Variants in SNX1 observed in about 807,000 individuals in gnomAD.
SNX1 encodes sorting nexin 1.
SNX1 carries 36 observed loss-of-function variants against 71.8 expected under a neutral mutation model. The ratio of observed to expected loss-of-function variants is 0.50; its 90% CI spans 0.38 to 0.66. SNX1 has a LOEUF of 0.66. Ranked by LOEUF, SNX1 falls within the 30% of genes least tolerant of loss-of-function variation. The probability of loss-of-function intolerance (pLI) is 0.00; values close to 1 mark genes in which losing one functional copy is unlikely to be tolerated. For missense variants in SNX1, 612 were observed against 646.7 expected (o/e 0.95, Z 0.58); for synonymous variants, 254 against 240.7 (o/e 1.06, Z -0.51).
chr15:64,112,450 A>G, intron 1 of SNX1, 123 bp from the exon 2 acceptor site: 1 of 608,908 alleles, frequency 1.6e-6, no homozygotes, highest in South Asian at 2.2e-5. Flanking sequence ...ACTAATAACG[A>G]TTTGCTGCTT....
chr15:64,137,532 T>G, intron 14 of SNX1, 36 bp from the exon 15 acceptor site: 1 of 1,613,444 alleles, frequency 6.2e-7, no homozygotes, highest in Non-Finnish European at 8.5e-7. Context: ...TGCCACTAGG[T>G]GGGGGCACTT....
At chr15:64,123,574 C>T (rs1463059072) in intron 5 of SNX1, 28 bp downstream of exon 5, 1 of 1,596,670 alleles carries the variant, frequency 6.3e-7, no homozygotes, top group South Asian at 1.1e-5. Flanking sequence ...TGCTGATGAC[C>T]ATCTTCATAG....
intron 5 of SNX1, 80 bp downstream of exon 5, chr15:64,123,626 G>A (rs1050822233): frequency 8.5e-7 from 1 of 1,176,796 alleles, no homozygotes; most frequent in Non-Finnish European, 1.3e-6. Flanking sequence ...GATTATTTCT[G>A]GGTATCTCCT....
At chr15:64,117,174 C>T (rs1400004099) in intron 2 of SNX1, among the ~76,000 whole-genome samples, 1 of 152,096 alleles carries the variant, frequency 6.6e-6, no homozygotes, top group African/African-American at 2.4e-5. Flanking sequence ...CTTGCTTTGA[C>T]GTCATTTTTT....
rs1167577685 is a variant in SNX1, at chr15:64,136,891, G to A, written c.1477G>A (p.Val493Met). Residue 493 changes from valine to methionine, a missense_variant, in exon 14 of 15, where the codon GTG becomes ATG. This residue lies in a region of SNX1 where 296 missense variants were observed against 361.9 expected (regional missense o/e 0.82). Coordinates refer to ENST00000559844, the MANE Select transcript of SNX1 (RefSeq NM_003099.5). ...GAAATCCAAGGACTTCAAGAACCAC[G>A]TGATCAAGTACCTTGAGACACTCCT... ...KEKSKDFKNH[V>M]IKYLETLLYS... is the part of the protein sequence containing the mutation. 5.6e-6 allele frequency: 9 copies of A among 1,613,858 alleles called. No individual in the cohort carries two copies. The highest frequency in any genetic ancestry group is 1.3e-5 in the African/African-American group (1 of 74,902).
At chr15:64,128,963 C>T (rs889841713) in intron 8 of SNX1, among the ~76,000 whole-genome samples, 2 of 152,158 alleles carry the variant, frequency 1.3e-5, no homozygotes, top group African/African-American at 4.8e-5. Flanking sequence ...GAACTACTGC[C>T]AGGCCAGGCG....
At chr15:64,104,165 C>G (rs2140132171) in intron 1 of SNX1, among the ~76,000 whole-genome samples, 1 of 151,800 alleles carries the variant, frequency 6.6e-6, no homozygotes, top group South Asian at 2.1e-4. Context: ...TACATAAACT[C>G]ATTAATTTCT....
chr15:64,131,608 C>T (rs1163410781), intron 10 of SNX1, 79 bp from the exon 11 acceptor site: 17 of 1,391,682 alleles, frequency 1.2e-5, no homozygotes, highest in Non-Finnish European at 1.7e-5. Flanking sequence ...ATTGCTAAGA[C>T]ATGCCATGCA....
rs1226693038 is a variant in SNX1 at position 64,141,096 on chromosome 15, A to C, written c.*3478A>C. ...AGATAGGTTAGAGATACCTGACATA[A>C]ATAGATACTAAAAATCATGAATTCA... On this transcript the variant is annotated 3_prime_UTR_variant, in exon 15 of 15. Coordinates refer to ENST00000559844, the MANE Select transcript of SNX1 (RefSeq NM_003099.5). The surrounding 1 kb of genome is among the most constrained non-coding windows in gnomAD (Gnocchi z 5.1). 1 of 152,256 alleles carries C rather than the reference A, an allele frequency of 6.6e-6. No individual in the cohort carries two copies. The highest frequency in any genetic ancestry group is 1.5e-5 in the Non-Finnish European group (1 of 68,044). 9.4% of individuals were successfully genotyped at this position (152,256 alleles called of 1,614,324 possible).
chr15:64,105,114 A>T (rs1433958756), intron 1 of SNX1, among the ~76,000 whole-genome samples: 3 of 151,430 alleles, frequency 2.0e-5, no homozygotes, highest in Non-Finnish European at 4.4e-5. Flanking sequence ...GCGTGCCTGT[A>T]ATCCCAGCTA....
chr15:64,108,108 G>A (rs1478675599), intron 1 of SNX1, among the ~76,000 whole-genome samples: 1 of 151,726 alleles, frequency 6.6e-6, no homozygotes, highest in African/African-American at 2.4e-5. Context: ...CAGGAGAACG[G>A]CATGAACCTG....
chr15:64,137,444 G>A (rs72755099), intron 14 of SNX1, 124 bp from the exon 15 acceptor site: 58,679 of 1,009,718 alleles, frequency 0.058, 2,032 homozygotes, highest in Middle Eastern at 0.09. Context: ...GCAGCTGCTC[G>A]GAGCCTGCCT....
chr15:64,131,295 C>T (rs985587067), intron 10 of SNX1, among the ~76,000 whole-genome samples: 3 of 152,164 alleles, frequency 2.0e-5, no homozygotes, highest in Non-Finnish European at 2.9e-5. Flanking sequence ...CAAGACTATA[C>T]GATGTGCACA....
At position 64,130,276 on chromosome 15, in the gene SNX1, C is replaced by T. The variant is rs146206725; in HGVS notation, c.970C>T (p.Arg324Trp). The T allele has an allele frequency of 5.6e-6, 9 of 1,613,946 alleles. No individual in the cohort carries two copies. Among genetic ancestry groups the T allele is most frequent in the African/African-American group, 2.7e-5 (2 of 74,842 alleles). Residue 324 changes from arginine to tryptophan, a missense_variant, in exon 10 of 15, where the codon CGG (arginine) becomes TGG (tryptophan). Around this residue, in one of 2 missense-constraint regions of SNX1, gnomAD observed 296 missense variants for 361.9 expected, o/e 0.82. Coordinates refer to ENST00000559844, the MANE Select transcript of SNX1 (RefSeq NM_003099.5). Reference protein sequence around the residue: ...QEVECEEQRLRKLHAVVETLV... With the variant: ...QEVECEEQRLWKLHAVVETLV... ...GGTAGAGTGTGAGGAGCAGCGCTTA[C>T]GGAAACTGCATGCTGTTGTAGAAAC...
chr15:64,136,386 C>T lies in SNX1; in HGVS notation c.1422C>T (p.Val474=), dbSNP rs1410023336. 1 of 1,613,816 alleles carries T rather than the reference C, an allele frequency of 6.2e-7. No homozygotes were observed. The highest frequency in any genetic ancestry group is 1.7e-5 in the Admixed American group (1 of 59,994). Residue 474 remains valine, a synonymous_variant, in exon 13 of 15, where the codon GTC becomes GTT. Coordinates refer to ENST00000559844, the MANE Select transcript of SNX1 (RefSeq NM_003099.5). The part of the protein sequence containing the change: ...ERDFERISTV[V]RKEVIRFEKE... ...ACTTCGAGAGGATTTCAACAGTGGT[C>T]CGAAAAGAAGTGATACGGTTTGAGG...
At chr15:64,105,536 C>A (rs1358032786) in intron 1 of SNX1, among the ~76,000 whole-genome samples, 1 of 152,168 alleles carries the variant, frequency 6.6e-6, no homozygotes, top group African/African-American at 2.4e-5. Context: ...CTGGCTTATT[C>A]TTTTGCTTCG....
At chr15:64,132,445 C>G (rs1039964975) in intron 11 of SNX1, 4 of 156,676 alleles carry the variant, frequency 2.6e-5, no homozygotes, top group African/African-American at 7.2e-5. Context: ...GCTGTGTCAC[C>G]CCACACTGGT....
rs372800532 is a variant in SNX1, at chr15:64,096,155, A to G, written c.142A>G (p.Thr48Ala). The change falls in exon 1 of 15, where the codon ACC (threonine) becomes GCC (alanine). Residue 48 changes from threonine (T) to alanine (A), a missense_variant. By Grantham distance (58) the Thr-to-Ala change is moderately conservative. Transcript: ENST00000559844. The stretch of plus-strand genomic sequence containing the variant: ...CGACACCGAGGGGGAGGACATTTTC[A>G]CCGGCGCCGCGGTGGTCGTGAGTTT... Reference protein sequence around the residue: ...DSDTEGEDIFTGAAVVSKHQS... With the variant: ...DSDTEGEDIFAGAAVVSKHQS... The G allele has an allele frequency of 5.9e-5, 91 of 1,551,604 alleles. No individual in the cohort carries two copies. In the African/African-American group the frequency reaches 1.1e-3, roughly 19 times the overall value.
At chr15:64,096,558 G>T (rs2140124946) in intron 1 of SNX1, among the ~76,000 whole-genome samples, 1 of 152,366 alleles carries the variant, frequency 6.6e-6, no homozygotes, top group East Asian at 1.9e-4. Flanking sequence ...CCGTCTTACT[G>T]CTTCTAAGAT....
Sources: gnomAD v4.1 joint callset for allele counts (sites outside exome capture counted in the v4.1 genomes callset) on GRCh38, gnomAD v4.1.1 for gene constraint, gnomAD v4.1.1 regional missense constraint, Gnocchi (gnomAD v3.1) non-coding constraint, MANE v1.5 for transcripts, NCBI Gene and HGNC (gene_info 2026-07-23, HGNC 2026-07-21) for gene names.